The following PDZRN3 variants were observed in gnomAD, a reference collection of about 807,000 sequenced individuals.
PDZRN3 encodes the protein E3 ubiquitin-protein ligase PDZRN3.
In PDZRN3, 38 loss-of-function variants were observed where a neutral mutation model predicts 85.7. The ratio of observed to expected loss-of-function variants is 0.44; its 90% confidence interval spans 0.34 to 0.58. PDZRN3 has a LOEUF of 0.58. Among genes scored for constraint, PDZRN3 ranks in the 20% least tolerant of loss-of-function variants. The pLI is 0.01. For synonymous variants in PDZRN3, 759 were observed against 638.0 expected, an observed-to-expected ratio of 1.19 and a Z score of -2.86; for missense variants, 1,629 against 1,506.4, an observed-to-expected ratio of 1.08 and a Z score of -1.35.
At chr3:73,424,779 A>G (rs1210018862) in intron 3 of PDZRN3, among the ~76,000 whole-genome samples, 2 of 152,098 alleles carry the variant, frequency 1.3e-5, no homozygotes, top group Non-Finnish European at 2.9e-5. Flanking sequence ...ATATACATAA[A>G]TATATACTTA....
chr3:73,430,941 C>A (rs919503139), intron 3 of PDZRN3, among the ~76,000 whole-genome samples: 2 of 152,186 alleles, frequency 1.3e-5, no homozygotes, highest in Admixed American at 1.3e-4. Flanking sequence ...AATCATGAAG[C>A]AACTGTTAAA....
At chr3:73,524,608 G>C (rs569329801) in intron 3 of PDZRN3, among the ~76,000 whole-genome samples, 3 of 152,260 alleles carry the variant, frequency 2.0e-5, no homozygotes, top group Non-Finnish European at 2.9e-5. Flanking sequence ...TTGCTGCTTT[G>C]ATGTGAGATC....
At chr3:73,411,506 C>T (rs560975313) in intron 3 of PDZRN3, among the ~76,000 whole-genome samples, 7 of 152,286 alleles carry the variant, frequency 4.6e-5, no homozygotes, top group Non-Finnish European at 1.0e-4. Flanking sequence ...GAGGCCGTGT[C>T]CATCCAGAGG....
chr3:73,601,498 A>G (rs1483819558), intron 3 of PDZRN3, among the ~76,000 whole-genome samples: 1 of 152,146 alleles, frequency 6.6e-6, no homozygotes, highest in African/African-American at 2.4e-5. Flanking sequence ...TGGATTCTCA[A>G]ATTTACTTTT....
chr3:73,620,531 T>C (rs1334775909), intron 1 of PDZRN3, among the ~76,000 whole-genome samples: 1 of 152,100 alleles, frequency 6.6e-6, no homozygotes, highest in Non-Finnish European at 1.5e-5. Flanking sequence ...GATGCCTGTC[T>C]AGGCTATGAT....
intron 3 of PDZRN3, among the ~76,000 whole-genome samples, chr3:73,412,774 A>G (rs1701998881): frequency 6.6e-6 from 1 of 152,254 alleles, no homozygotes; most frequent in Non-Finnish European, 1.5e-5. Context: ...GTTATGGTTC[A>G]TGCCTAGTGC....
intron 3 of PDZRN3, among the ~76,000 whole-genome samples, chr3:73,564,403 G>A (rs947370431): frequency 6.6e-6 from 1 of 152,142 alleles, no homozygotes; most frequent in Admixed American, 6.5e-5. Flanking sequence ...GTGTGACATG[G>A]GAGGGCCAGG....
chr3:73,414,399 A>G (rs1195960530), intron 3 of PDZRN3, among the ~76,000 whole-genome samples: 2 of 152,236 alleles, frequency 1.3e-5, no homozygotes, highest in Non-Finnish European at 2.9e-5. Context: ...ATTTTAGTGT[A>G]ACCTACAAAG....
At chr3:73,454,365 C>T (rs1246110762) in intron 3 of PDZRN3, among the ~76,000 whole-genome samples, 4 of 152,102 alleles carry the variant, frequency 2.6e-5, no homozygotes, top group Non-Finnish European at 5.9e-5. Flanking sequence ...CACCAAAACC[C>T]ATCAGCAATG....
Position 73,500,603 on chromosome 3 carries a change from C to T in PDZRN3, c.919-96208G>A, listed in dbSNP as rs948940753. Among the ~76,000 whole-genome samples the T allele has an allele frequency of 3.2e-4, 48 of 152,198 alleles. 1 individual carries two copies. The highest frequency in any genetic ancestry group is 2.1e-3 in the Admixed American group (32 of 15,282). Reference sequence around the variant, plus strand: ...CCTTAACATGCTCTTTTCCTCCCAACAATGCCTTCTTGTTCTAGAGTGGAT... The same window carrying T: ...CCTTAACATGCTCTTTTCCTCCCAATAATGCCTTCTTGTTCTAGAGTGGAT... On this transcript the variant is annotated intron_variant, in intron 3 of 9. Coordinates refer to ENST00000263666, the MANE Select transcript of PDZRN3 (RefSeq NM_015009.3).
intron 3 of PDZRN3, among the ~76,000 whole-genome samples, chr3:73,477,926 C>G (rs1703489363): frequency 6.6e-6 from 1 of 152,124 alleles, no homozygotes. Flanking sequence ...ACCATCAGAT[C>G]TTGTGAGACT....
At chr3:73,508,437 C>G (rs1704106919) in intron 3 of PDZRN3, among the ~76,000 whole-genome samples, 1 of 152,174 alleles carries the variant, frequency 6.6e-6, no homozygotes, top group African/African-American at 2.4e-5. Context: ...TTTCTCCTTG[C>G]AGAATTCTGT....
At chr3:73,503,714 T>A (rs1704022434) in intron 3 of PDZRN3, among the ~76,000 whole-genome samples, 1 of 140,218 alleles carries the variant, frequency 7.1e-6, no homozygotes, top group South Asian at 2.2e-4. Flanking sequence ...TGAACTCAAC[T>A]CTCTCAGTGC....
At chr3:73,618,497 A>G (rs1702800208) in intron 1 of PDZRN3, among the ~76,000 whole-genome samples, 1 of 152,228 alleles carries the variant, frequency 6.6e-6, no homozygotes, top group East Asian at 1.9e-4. Flanking sequence ...TTAAAAAAAG[A>G]GGTCTATCTA....
chr3:73,479,153 T>A (rs187428171), intron 3 of PDZRN3, among the ~76,000 whole-genome samples: 9 of 152,324 alleles, frequency 5.9e-5, no homozygotes, highest in Admixed American at 5.9e-4. Context: ...AGGTCCTGGC[T>A]TTTAAAGATC....
intron 3 of PDZRN3, among the ~76,000 whole-genome samples, chr3:73,582,342 T>C (rs1266202841): frequency 6.6e-6 from 1 of 152,076 alleles, no homozygotes; most frequent in African/African-American, 2.4e-5. Flanking sequence ...TTGAATAAAA[T>C]ATTTCTTTTA....
intron 3 of PDZRN3, among the ~76,000 whole-genome samples, chr3:73,439,040 C>T (rs1351934963): frequency 6.6e-6 from 1 of 152,196 alleles, no homozygotes; most frequent in Non-Finnish European, 1.5e-5. Flanking sequence ...TCCTCAGTGC[C>T]CTGCACACTT....
In PDZRN3 at chr3:73,495,082, G is replaced by A. The variant is rs1703842446; in HGVS notation, c.919-90687C>T. 1.3e-5 allele frequency among the ~76,000 whole-genome samples: 2 copies of A among 152,102 alleles called. 1 individual carries two copies. The highest frequency in any genetic ancestry group is 4.1e-4 in the South Asian group (2 of 4,826). Reference sequence around the variant, plus strand: ...CCTATGGGGTATTACTCACTATGTGGGTGACGGGATCAAGCATACCCCAAA... The same window carrying A: ...CCTATGGGGTATTACTCACTATGTGAGTGACGGGATCAAGCATACCCCAAA... On this transcript the variant is annotated intron_variant, in intron 3 of 9. Coordinates refer to ENST00000263666, the MANE Select transcript of PDZRN3 (RefSeq NM_015009.3).
chr3:73,610,545 G>A (rs1461288630), intron 1 of PDZRN3, among the ~76,000 whole-genome samples: 1 of 152,132 alleles, frequency 6.6e-6, no homozygotes, highest in African/African-American at 2.4e-5. Flanking sequence ...TTCTACTTAG[G>A]ACGCTGAAAA....
Sources: gnomAD v4.1 joint callset for allele counts (sites outside exome capture counted in the v4.1 genomes callset) on GRCh38, gnomAD v4.1.1 for gene constraint, MANE v1.5 for transcripts, NCBI Gene and HGNC (gene_info 2026-07-23, HGNC 2026-07-21) for gene names.